The following ADGRB3 variants were observed in gnomAD, a reference collection of about 807,000 sequenced individuals.
ADGRB3 encodes the protein brain-specific angiogenesis inhibitor 3.
ADGRB3 carries 37 observed loss-of-function variants against 193.4 expected under a neutral mutation model. The ratio of observed to expected loss-of-function variants is 0.19; its 90% confidence interval spans 0.15 to 0.25. The LOEUF is 0.25. ADGRB3 is among the 10% of genes least tolerant of loss of function. ADGRB3 has a pLI of 1.00. For synonymous variants in ADGRB3, 690 were observed against 644.2 expected (o/e 1.07, Z -1.08); for missense variants, 1,637 against 1,852.9 (o/e 0.88, Z 2.14).
At chr6:68,988,626 G>T (rs150278440) in intron 10 of ADGRB3, among the ~76,000 whole-genome samples, 2 of 152,054 alleles carry the variant, frequency 1.3e-5, no homozygotes, top group Non-Finnish European at 2.9e-5. Flanking sequence ...GGAAATTAAC[G>T]CAGGGGGATA....
At chr6:69,067,167 T>C (rs1430597379) in intron 16 of ADGRB3, among the ~76,000 whole-genome samples, 2 of 152,120 alleles carry the variant, frequency 1.3e-5, no homozygotes, top group Non-Finnish European at 2.9e-5. Context: ...TTTAAATTTT[T>C]TTTCCTCTGG....
intron 17 of ADGRB3, among the ~76,000 whole-genome samples, chr6:69,090,134 CT>C (rs749094510): frequency 1.9e-4 from 29 of 152,272 alleles, no homozygotes; most frequent in Non-Finnish European, 2.9e-4. Context: ...ATTTTCTAAA[CT>C]TCTATTACCT....
At chr6:68,696,389 A>AT (rs1561997454) in intron 3 of ADGRB3, among the ~76,000 whole-genome samples, 1 of 151,560 alleles carries the variant, frequency 6.6e-6, no homozygotes, top group Admixed American at 6.6e-5. Context: ...AGTTTCCTGT[A>AT]TTTTTGAAAA....
chr6:69,242,589 C>T (rs921829525), intron 20 of ADGRB3, among the ~76,000 whole-genome samples: 3 of 151,872 alleles, frequency 2.0e-5, no homozygotes, highest in Non-Finnish European at 4.4e-5. Flanking sequence ...AGTATCTCTG[C>T]TTCTTTTTGA....
At chr6:68,764,803 AAAT>A (rs1309136857) in intron 3 of ADGRB3, among the ~76,000 whole-genome samples, 2 of 152,206 alleles carry the variant, frequency 1.3e-5, no homozygotes, top group African/African-American at 4.8e-5. Context: ...TAATATCTTG[AAAT>A]GTTTCAACAT....
intron 20 of ADGRB3, among the ~76,000 whole-genome samples, chr6:69,253,312 C>G (rs1322705034): frequency 6.6e-6 from 1 of 151,900 alleles, no homozygotes; most frequent in Non-Finnish European, 1.5e-5. Flanking sequence ...TATTCAAATA[C>G]GTTTTAGAAT....
chr6:69,355,973 G>A, intron 28 of ADGRB3, 113 bp downstream of exon 28: 1 of 886,678 alleles, frequency 1.1e-6, no homozygotes, highest in Non-Finnish European at 1.7e-6. Context: ...TTCTGTGAAA[G>A]GGCTGTATAT....
chr6:68,688,065 G>A (rs1410753361), intron 3 of ADGRB3, among the ~76,000 whole-genome samples: 1 of 152,118 alleles, frequency 6.6e-6, no homozygotes, highest in Non-Finnish European at 1.5e-5. Flanking sequence ...TGAGTAACCT[G>A]TCCAAAAAAA....
At chr6:69,103,578 A>G (rs1229749459) in intron 17 of ADGRB3, among the ~76,000 whole-genome samples, 1 of 151,986 alleles carries the variant, frequency 6.6e-6, no homozygotes, top group African/African-American at 2.4e-5. Context: ...ATTTTTAAAA[A>G]TCTTTCATCT....
At chr6:68,968,990 C>A (rs1297539123) in intron 8 of ADGRB3, among the ~76,000 whole-genome samples, 1 of 151,992 alleles carries the variant, frequency 6.6e-6, no homozygotes, top group East Asian at 1.9e-4. Context: ...ACATTTCTAT[C>A]ATTGAAAAAA....
chr6:69,388,351 T>C (rs565987966), intron 31 of ADGRB3, among the ~76,000 whole-genome samples: 1 of 152,272 alleles, frequency 6.6e-6, no homozygotes, highest in South Asian at 2.1e-4. Flanking sequence ...TTACATTTTC[T>C]ACATTTAATC....
chr6:69,062,842 T>A (rs1426984100), intron 15 of ADGRB3, 92 bp from the exon 16 acceptor site: 6 of 879,062 alleles, frequency 6.8e-6, no homozygotes, highest in Non-Finnish European at 1.1e-5. Flanking sequence ...TTGGATGCAT[T>A]TATTTGAAAC....
intron 3 of ADGRB3, among the ~76,000 whole-genome samples, chr6:68,668,510 G>C (rs1049793074): frequency 6.6e-6 from 1 of 151,894 alleles, no homozygotes; most frequent in Non-Finnish European, 1.5e-5. Flanking sequence ...TTTCCTATCA[G>C]TTTAATGAAG....
At chr6:69,034,989 T>A (rs909788764) in intron 13 of ADGRB3, among the ~76,000 whole-genome samples, 1 of 152,074 alleles carries the variant, frequency 6.6e-6, no homozygotes, top group Non-Finnish European at 1.5e-5. Context: ...CTTAATAGTC[T>A]ATTGCTTCAT....
intron 17 of ADGRB3, among the ~76,000 whole-genome samples, chr6:69,124,292 C>A (rs557853237): frequency 6.6e-6 from 1 of 152,198 alleles, no homozygotes; most frequent in Non-Finnish European, 1.5e-5. Context: ...TCTTTATTAT[C>A]TCATAATTGT....
At chr6:69,186,328 T>A (rs1404178413) in intron 17 of ADGRB3, among the ~76,000 whole-genome samples, 2 of 152,134 alleles carry the variant, frequency 1.3e-5, no homozygotes, top group Non-Finnish European at 2.9e-5. Flanking sequence ...TGCATTTTAT[T>A]TGTATTTTTC....
chr6:68,636,675 C>T (rs1421829887), intron 1 of ADGRB3, among the ~76,000 whole-genome samples: 1 of 152,134 alleles, frequency 6.6e-6, no homozygotes, highest in Admixed American at 6.5e-5. Context: ...TGAGTGCGCT[C>T]TCTTGAGCAG....
intron 15 of ADGRB3, among the ~76,000 whole-genome samples, chr6:69,050,168 A>G (rs1350965603): frequency 6.6e-6 from 1 of 152,228 alleles, no homozygotes; most frequent in African/African-American, 2.4e-5. Flanking sequence ...GTGTGCAGTT[A>G]TACTGCGGAC....
chr6:68,714,438 C>T (rs148447019), intron 3 of ADGRB3, among the ~76,000 whole-genome samples: 4,228 of 151,672 alleles, frequency 0.028, 90 homozygotes, highest in Non-Finnish European at 0.039. Flanking sequence ...CAGCTAGGCT[C>T]ATCTATTTAT....
Sources: gnomAD v4.1 joint callset for allele counts (sites outside exome capture counted in the v4.1 genomes callset) on GRCh38, gnomAD v4.1.1 for gene constraint, MANE v1.5 for transcripts, NCBI Gene and HGNC (gene_info 2026-07-23, HGNC 2026-07-21) for gene names.